Variants in RSPH10B observed in about 807,000 individuals in gnomAD.
RSPH10B encodes radial spoke head 10 homolog B (Chlamydomonas).
Under a neutral mutation model 52.5 loss-of-function variants are expected in RSPH10B, and 7 were observed. The observed-to-expected ratio is 0.13, with a 90% CI of 0.08 to 0.25. The LOEUF is 0.25. Among genes scored for constraint, RSPH10B ranks in the 10% least tolerant of loss-of-function variants. The pLI is 1.00. For synonymous variants in RSPH10B, 28 were observed against 193.2 expected (o/e 0.14, Z 7.09); for missense variants, 89 against 542.5 (o/e 0.16, Z 8.30).
At chr7:5,932,045 G>C (rs1779802907) in intron 17 of RSPH10B, among the ~76,000 whole-genome samples, 1 of 147,806 alleles carries the variant, frequency 6.8e-6, no homozygotes, top group African/African-American at 2.5e-5. Flanking sequence ...GTTTAATCAT[G>C]AAAACAAGGC....
chr7:5,939,925 G>A (rs1328559840), intron 13 of RSPH10B, among the ~76,000 whole-genome samples: 2 of 85,732 alleles, frequency 2.3e-5, no homozygotes, highest in African/African-American at 4.0e-5. Context: ...GGCCGGGCGC[G>A]GTGGCTCACA....
intron 15 of RSPH10B, among the ~76,000 whole-genome samples, 192 bp downstream of exon 17, chr7:5,937,566 C>A (rs1000585458): frequency 8.0e-6 from 1 of 124,308 alleles, no homozygotes; most frequent in Non-Finnish European, 1.9e-5. Context: ...CCACCACGCC[C>A]GGCTAATTTT....
Position 5,960,044 on chromosome 7 carries a change from A to AACAC in RSPH10B, c.573+643_573+646dup, listed in dbSNP as rs748706641. Among the ~76,000 whole-genome samples the AACAC allele has an allele frequency of 3.9e-3, 110 of 28,556 alleles. 36 individuals are homozygous for AACAC. The highest frequency in any genetic ancestry group is 5.5e-3 in the Non-Finnish European group (88 of 16,140). The allele number at this position is 28,556 out of a possible 152,430, so 18.7% of individuals were successfully genotyped here. A position where few individuals can be genotyped will look rare whatever the true frequency, so the allele number is the denominator to read the frequency against. On this transcript the variant is annotated intron_variant, in intron 4 of 18. Transcript: ENST00000337579. ...ATATGTCTCAAGCAATCTGCTGTAA[A>AACAC]ACACACACACACACACACACACACA... is the stretch of plus-strand genomic sequence containing the variant.
At position 5,938,441 on chromosome 7, in the gene RSPH10B, G is replaced by T. The variant is rs1306057567; in HGVS notation, c.1866+281C>A. On this transcript the variant is annotated intron_variant, in intron 14 of 18. Coordinates refer to ENST00000337579, the Ensembl canonical transcript of RSPH10B. ...AAAAAAAAAAAAATTAGCCGGGCGTGGTGGCGGGCGCCTGTAGTCTCAGCT... is the reference window on the plus strand; with the variant it reads ...AAAAAAAAAAAAATTAGCCGGGCGTTGTGGCGGGCGCCTGTAGTCTCAGCT... Among the ~76,000 whole-genome samples, 2 of 110,582 alleles carry T rather than the reference G, an allele frequency of 1.8e-5. 1 individual carries two copies. Among genetic ancestry groups the T allele is most frequent in the Non-Finnish European group, 4.2e-5 (2 of 47,646 alleles). The allele number at this position is 110,582 out of a possible 152,430, so 72.5% of individuals were successfully genotyped here. A position where few individuals can be genotyped will look rare whatever the true frequency, so the allele number is the denominator to read the frequency against.
chr7:5,927,070 A>ATGTGTGTGTGTGTGTGTGTG (rs748036363), intron 18 of RSPH10B, among the ~76,000 whole-genome samples: 1 of 110,690 alleles, frequency 9.0e-6, no homozygotes, highest in Non-Finnish European at 1.9e-5. Context: ...GTGTGTGTAT[A>ATGTGTGTGTGTGTGTGTGTG]TGTGTGTGTG....
intron 7 of RSPH10B, among the ~76,000 whole-genome samples, chr7:5,954,988 TA>T (rs1185408288): frequency 0.35 from 8,475 of 23,976 alleles, 428 homozygotes; most frequent in Non-Finnish European, 0.39. Context: ...CTGTAACTAC[TA>T]AAAAAAAAAA....
At chr7:5,931,866 G>A (rs1422310112) in intron 17 of RSPH10B, among the ~76,000 whole-genome samples, 3 of 151,118 alleles carry the variant, frequency 2.0e-5, no homozygotes, top group African/African-American at 7.3e-5. Flanking sequence ...ATGGGTGCCT[G>A]TAATCCCAGC....
chr7:5,928,164 T>TGGGGAAG (rs1272729614), intron 18 of RSPH10B, 32 bp downstream of exon 20: 1 of 1,604,760 alleles, frequency 6.2e-7, no homozygotes, highest in East Asian at 2.2e-5. Context: ...AGAGAGCAGC[T>TGGGGAAG]GGGGAAGGAG....
At chr7:5,943,369 G>A (rs1434826055) in exon 13 of RSPH10B, 1 of 1,598,768 alleles carries the variant, frequency 6.3e-7, no homozygotes, top group Admixed American at 1.7e-5. Flanking sequence ...TAGGCTCGTG[G>A]GGAGGCGCTG....
Position 5,938,439 on chromosome 7 carries a change from G to A in RSPH10B, c.1866+283C>T, listed in dbSNP as rs1299906579. Among the ~76,000 whole-genome samples, 19 of 112,600 alleles carry A rather than the reference G, an allele frequency of 1.7e-4. 2 individuals carry two copies. Among genetic ancestry groups the A allele is most frequent in the Admixed American group, 9.0e-4 (10 of 11,088 alleles). The allele number at this position is 112,600 out of a possible 152,430, so 73.9% of individuals were successfully genotyped here. A position where few individuals can be genotyped will look rare whatever the true frequency, so the allele number is the denominator to read the frequency against. ...CAAAAAAAAAAAAAATTAGCCGGGC[G>A]TGGTGGCGGGCGCCTGTAGTCTCAG... On this transcript the variant is annotated intron_variant, in intron 14 of 18. Transcript: ENST00000337579.
At chr7:5,940,942 AATTATT>A (rs752116609) in intron 13 of RSPH10B, among the ~76,000 whole-genome samples, 4,891 of 45,490 alleles carry the variant, frequency 0.11, 564 homozygotes, top group East Asian at 0.28. Context: ...TAATAATAAT[AATTATT>A]ATTATTATTA....
At chr7:5,956,952 T>C (rs1780750638) in intron 6 of RSPH10B, among the ~76,000 whole-genome samples, 1 of 80,810 alleles carries the variant, frequency 1.2e-5, no homozygotes, top group South Asian at 4.5e-4. Flanking sequence ...GATGGAAGGA[T>C]CACTTGAGCC....
intron 10 of RSPH10B, among the ~76,000 whole-genome samples, chr7:5,947,986 C>T (rs1780501138): frequency 3.9e-5 from 1 of 25,410 alleles, no homozygotes; most frequent in Non-Finnish European, 7.7e-5. Context: ...ATTCTCCTGC[C>T]TCAGCCTCCC....
intron 18 of RSPH10B, among the ~76,000 whole-genome samples, chr7:5,927,048 T>TATA (rs1347951159): frequency 7.1e-5 from 5 of 70,892 alleles, no homozygotes; most frequent in South Asian, 7.4e-4. Context: ...TGTGTGTGTA[T>TATA]TATGTGTGTG....
At chr7:5,942,923 TA>T (rs1306574390) in intron 13 of RSPH10B, among the ~76,000 whole-genome samples, 4 of 117,960 alleles carry the variant, frequency 3.4e-5, no homozygotes, top group African/African-American at 9.3e-5. Flanking sequence ...TATATATATA[TA>T]TATTTTTTTT....
intron 18 of RSPH10B, among the ~76,000 whole-genome samples, chr7:5,927,664 A>G (rs1348867341): frequency 6.8e-6 from 1 of 146,424 alleles, no homozygotes; most frequent in Non-Finnish European, 1.5e-5. Flanking sequence ...AGCTGCATGC[A>G]GTGACTCACC....
exon 13 of RSPH10B, chr7:5,943,432 C>T (rs148485394): frequency 0.31 from 484,422 of 1,546,552 alleles, 44,280 homozygotes; most frequent in Non-Finnish European, 0.35. Flanking sequence ...TCATGTAACT[C>T]ATAGAGTAGA....
upstream of RSPH10B, among the ~76,000 whole-genome samples, chr7:5,968,626 C>A (rs1356122572): frequency 1.4e-5 from 1 of 70,668 alleles, no homozygotes; most frequent in Non-Finnish European, 3.1e-5. Context: ...CCTGCCTCAG[C>A]CTCCTGAGTA....
intron 6 of RSPH10B, among the ~76,000 whole-genome samples, chr7:5,957,558 C>T (rs1300089965): frequency 3.9e-4 from 14 of 35,488 alleles, no homozygotes; most frequent in South Asian, 3.5e-3. Context: ...GGCTGAGGCG[C>T]GCGGATCACT....
Sources: gnomAD v4.1 joint callset for allele counts (sites outside exome capture counted in the v4.1 genomes callset) on GRCh38, gnomAD v4.1.1 for gene constraint, MANE v1.5 for transcripts, NCBI Gene and HGNC (gene_info 2026-07-23, HGNC 2026-07-21) for gene names.